NOL10: variants seen among roughly 807,000 people sequenced by gnomAD.
The protein encoded by NOL10 is H_NH0074G24.1.
In NOL10, 58 loss-of-function variants were observed where a neutral mutation model predicts 103.5. The ratio of observed to expected loss-of-function variants is 0.56; its 90% CI spans 0.45 to 0.70. The LOEUF is 0.70. Among genes scored for constraint, NOL10 ranks in the 30% least tolerant of loss-of-function variants. The pLI is 0.00. For missense variants in NOL10, 763 were observed against 807.3 expected, an observed-to-expected ratio of 0.95 and a Z score of 0.67; for synonymous variants, 287 against 282.5, an observed-to-expected ratio of 1.02 and a Z score of -0.16.
At chr2:10,656,082 G>A (rs1482879934) in intron 11 of NOL10, among the ~76,000 whole-genome samples, 3 of 152,174 alleles carry the variant, frequency 2.0e-5, no homozygotes, top group African/African-American at 4.8e-5. Flanking sequence ...AAAGGGTCTG[G>A]AAAGATACAT....
At chr2:10,604,767 A>G (rs1261955826) in intron 14 of NOL10, 1 of 152,244 alleles carries the variant, frequency 6.6e-6, no homozygotes, top group Non-Finnish European at 1.5e-5. Context: ...CGAGAATCGG[A>G]TGCAGCAGCA....
chr2:10,584,796 T>C (rs1336318925), intron 19 of NOL10, among the ~76,000 whole-genome samples: 1 of 152,182 alleles, frequency 6.6e-6, no homozygotes, highest in South Asian at 2.1e-4. Context: ...ATATTTAACT[T>C]AGTAAGAATG....
At chr2:10,606,628 A>G (rs969278798) in intron 14 of NOL10, among the ~76,000 whole-genome samples, 1 of 150,294 alleles carries the variant, frequency 6.7e-6, no homozygotes, top group Non-Finnish European at 1.5e-5. Flanking sequence ...AAAAAAAAAA[A>G]TACTATCTGC....
chr2:10,598,024 C>A (rs1190530465), intron 17 of NOL10, among the ~76,000 whole-genome samples: 1 of 152,148 alleles, frequency 6.6e-6, no homozygotes, highest in Non-Finnish European at 1.5e-5. Context: ...AACAGAAAGG[C>A]AAGTTCTTGA....
At chr2:10,652,508 A>G (rs1017090175) in intron 12 of NOL10, among the ~76,000 whole-genome samples, 2 of 152,208 alleles carry the variant, frequency 1.3e-5, no homozygotes, top group African/African-American at 2.4e-5. Context: ...TAACAGCAGC[A>G]TGCAATCAAT....
intron 13 of NOL10, among the ~76,000 whole-genome samples, chr2:10,618,042 T>G (rs1676925121): frequency 6.6e-6 from 1 of 151,480 alleles, no homozygotes; most frequent in African/African-American, 2.4e-5. Context: ...ATGTTTTTTT[T>G]TTTTTTTCTT....
intron 17 of NOL10, among the ~76,000 whole-genome samples, chr2:10,593,080 T>G (rs1675474106): frequency 6.6e-6 from 1 of 152,162 alleles, no homozygotes; most frequent in Admixed American, 6.5e-5. Flanking sequence ...ATTATTTTGT[T>G]CCAACATAGT....
intron 3 of NOL10, among the ~76,000 whole-genome samples, chr2:10,678,490 A>G (rs2148356360): frequency 6.6e-6 from 1 of 152,312 alleles, no homozygotes; most frequent in Non-Finnish European, 1.5e-5. Context: ...AGTAACAGAA[A>G]AAATTAACAC....
intron 12 of NOL10, among the ~76,000 whole-genome samples, chr2:10,650,463 G>A (rs1679388253): frequency 6.6e-6 from 1 of 152,134 alleles, no homozygotes; most frequent in African/African-American, 2.4e-5. Context: ...ACTGCACTAG[G>A]CCACAACAAT....
chr2:10,676,472 C>A (rs575935068), intron 3 of NOL10, among the ~76,000 whole-genome samples: 1 of 152,122 alleles, frequency 6.6e-6, no homozygotes, highest in African/African-American at 2.4e-5. Context: ...TATTACATAG[C>A]CCATAAAGTG....
intron 13 of NOL10, among the ~76,000 whole-genome samples, chr2:10,611,186 A>G (rs1054075781): frequency 6.6e-6 from 1 of 152,030 alleles, no homozygotes; most frequent in Non-Finnish European, 1.5e-5. Flanking sequence ...TGGCTCCCTT[A>G]GCAACTTTAA....
chr2:10,622,550 C>T (rs1572311792), intron 13 of NOL10, among the ~76,000 whole-genome samples: 1 of 150,956 alleles, frequency 6.6e-6, no homozygotes, highest in Non-Finnish European at 1.5e-5. Flanking sequence ...GATGCAGATA[C>T]CAAGTGGTGA....
At chr2:10,627,605 G>T (rs909994044) in intron 13 of NOL10, among the ~76,000 whole-genome samples, 2 of 152,016 alleles carry the variant, frequency 1.3e-5, no homozygotes, top group African/African-American at 4.8e-5. Context: ...AACCCGGGAG[G>T]CGGAGGTTGC....
At chr2:10,653,185 A>G (rs1275552102) in intron 12 of NOL10, among the ~76,000 whole-genome samples, 4 of 143,908 alleles carry the variant, frequency 2.8e-5, no homozygotes, top group Non-Finnish European at 6.0e-5. Flanking sequence ...ACAGAGCGAG[A>G]CTCCAACTCA....
At chr2:10,576,546 A>G (rs1294123091) in intron 20 of NOL10, among the ~76,000 whole-genome samples, 1 of 152,250 alleles carries the variant, frequency 6.6e-6, no homozygotes, top group African/African-American at 2.4e-5. Flanking sequence ...TGCAATTCCA[A>G]TGCAAGCTAC....
intron 8 of NOL10, among the ~76,000 whole-genome samples, chr2:10,663,993 A>G (rs1402030401): frequency 6.6e-6 from 1 of 151,342 alleles, no homozygotes; most frequent in Non-Finnish European, 1.5e-5. Context: ...ATAGTGGCGC[A>G]TGCCCGTAAT....
intron 13 of NOL10, among the ~76,000 whole-genome samples, chr2:10,626,162 C>CA (rs1327205857): frequency 6.6e-6 from 1 of 152,050 alleles, no homozygotes; most frequent in African/African-American, 2.4e-5. Context: ...GCCTGGGAGA[C>CA]AGAGTGAGAC....
At chr2:10,677,753 G>C (rs984447894) in intron 3 of NOL10, among the ~76,000 whole-genome samples, 1 of 151,930 alleles carries the variant, frequency 6.6e-6, no homozygotes, top group Non-Finnish European at 1.5e-5. Flanking sequence ...AATTACAGGC[G>C]TGAGCCACCG....
chr2:10,612,098 G>C (rs758271195), intron 13 of NOL10, among the ~76,000 whole-genome samples: 1 of 152,040 alleles, frequency 6.6e-6, no homozygotes, highest in Non-Finnish European at 1.5e-5. Flanking sequence ...CCTCCAGCCT[G>C]GGCAACAGAG....
Sources: allele counts gnomAD v4.1 joint callset (sites outside exome capture counted in the v4.1 genomes callset), GRCh38; gene constraint gnomAD v4.1.1; transcripts MANE v1.5; gene names NCBI Gene and HGNC (gene_info 2026-07-23, HGNC 2026-07-21).